The following RELN variants were observed in gnomAD, a reference collection of about 807,000 sequenced individuals.
RELN encodes the protein reelin.
RELN carries 108 observed loss-of-function variants against 427.6 expected under a neutral mutation model. That is an observed-to-expected ratio of 0.25 (90% CI 0.22 to 0.30). The LOEUF (loss-of-function observed/expected upper bound fraction) is 0.30. Ranked by LOEUF, RELN falls within the 10% of genes least tolerant of loss-of-function variation. The pLI is 1.00. For synonymous variants in RELN, 1,524 were observed against 1,513.4 expected (o/e 1.01, Z -0.16); for missense variants, 3,715 against 4,302.8 (o/e 0.86, Z 3.82).
rs766722778 is a variant in RELN, at chr7:103,483,701, T to C, written c.10133A>G (p.Gln3378Arg). The C allele has an allele frequency of 3.1e-6, 5 of 1,614,080 alleles. No individual in the cohort carries two copies. The Admixed American group carries it at 5.0e-5, about 16-fold the overall frequency. ...GITWHVIAQH[Q>R]PKDFTQAQRV... The stretch of plus-strand genomic sequence containing the variant: ...CTGAGCTTGTGTGAAGTCCTTTGGC[T>C]GGTGCTGGGCGATGACATGCCAGGT... Residue 3378 changes from glutamine to arginine, a missense_variant, in exon 62 of 65, where the codon CAG becomes CGG. Physicochemically the swap from Gln to Arg is conservative, Grantham distance 43. This residue lies in a region of RELN where 195 missense variants were observed against 281.3 expected (regional missense o/e 0.69). Transcript: ENST00000428762.
At chr7:103,686,651 T>G (rs1019646091) in intron 10 of RELN, among the ~76,000 whole-genome samples, 2 of 152,136 alleles carry the variant, frequency 1.3e-5, no homozygotes, top group East Asian at 3.8e-4. Flanking sequence ...TGTATTAAAG[T>G]GAGATGTGTG....
At chr7:103,670,329 A>G (rs1247181879) in intron 11 of RELN, among the ~76,000 whole-genome samples, 1 of 152,132 alleles carries the variant, frequency 6.6e-6, no homozygotes, top group Non-Finnish European at 1.5e-5. Context: ...CCTTTTAGGA[A>G]CTTACCTTTC....
rs762827673 is a variant in RELN, at chr7:103,954,495, T to C, written c.226+34636A>G. On this transcript the variant is annotated intron_variant, in intron 1 of 64. Coordinates refer to ENST00000428762, the MANE Select transcript of RELN (RefSeq NM_005045.4). ...ATAAGTTATTTACTCCCATTTTCCT[T>C]TATTGGGAAAAAGACTTCAATTCAT... 1.0e-3 allele frequency among the ~76,000 whole-genome samples: 155 copies of C among 152,264 alleles called. 2 individuals carry two copies. Among genetic ancestry groups the C allele is most frequent in the Non-Finnish European group, 7.2e-4 (49 of 68,018 alleles).
intron 6 of RELN, among the ~76,000 whole-genome samples, chr7:103,747,301 A>G (rs542766903): frequency 1.6e-4 from 25 of 152,190 alleles, no homozygotes; most frequent in Admixed American, 2.6e-4. Context: ...ATTAGGAGAT[A>G]TATCTAATGC....
chr7:103,706,833 T>G (rs1032803699), intron 8 of RELN, among the ~76,000 whole-genome samples: 2 of 152,130 alleles, frequency 1.3e-5, no homozygotes, highest in African/African-American at 4.8e-5. Flanking sequence ...CTCTCAGGTT[T>G]TACTATGGGA....
At chr7:103,497,337 GT>G (rs1828871764) in intron 55 of RELN, among the ~76,000 whole-genome samples, 2 of 152,108 alleles carry the variant, frequency 1.3e-5, no homozygotes, top group South Asian at 4.1e-4. Context: ...TACTGGTCTG[GT>G]TTTAGCTACT....
At chr7:103,835,965 T>C (rs2116416091) in intron 2 of RELN, among the ~76,000 whole-genome samples, 1 of 151,858 alleles carries the variant, frequency 6.6e-6, no homozygotes, top group African/African-American at 2.4e-5. Context: ...TTTTTTTTTT[T>C]TTTTTTTATA....
At chr7:103,935,925 C>G (rs1795971728) in intron 1 of RELN, among the ~76,000 whole-genome samples, 1 of 152,120 alleles carries the variant, frequency 6.6e-6, no homozygotes, top group African/African-American at 2.4e-5. Context: ...AGTGCAAAAC[C>G]CAAGGACTGT....
chr7:103,562,322 G>A (rs1368588081), intron 34 of RELN, among the ~76,000 whole-genome samples: 1 of 152,164 alleles, frequency 6.6e-6, no homozygotes, highest in Non-Finnish European at 1.5e-5. Context: ...GGGAGGGATT[G>A]AAGGTGATAA....
At chr7:103,737,541 T>C (rs955713320) in intron 6 of RELN, among the ~76,000 whole-genome samples, 11 of 152,248 alleles carry the variant, frequency 7.2e-5, no homozygotes, top group African/African-American at 2.4e-4. Flanking sequence ...TTTTCGTTTG[T>C]GGGCTAAGCT....
intron 51 of RELN, chr7:103,504,403 G>A (rs966710729): frequency 6.6e-6 from 1 of 152,174 alleles, no homozygotes; most frequent in Non-Finnish European, 1.5e-5. Flanking sequence ...TTATCTATCA[G>A]TATTTCATCC....
chr7:103,652,784 C>T (rs1562941115), intron 13 of RELN, 25 bp from the exon 14 acceptor site: 1 of 1,603,202 alleles, frequency 6.2e-7, no homozygotes, highest in Non-Finnish European at 8.5e-7. Flanking sequence ...AGACCAGAAT[C>T]ACTCAAAATC....
In RELN at chr7:103,988,604, C is replaced by T. The variant is rs1797150619; in HGVS notation, c.226+527G>A. ...GGCTGTATGACACTGAATGAAATGC[C>T]AGGGACTCCTGGCTGGTGAGCAGCG... On this transcript the variant is annotated intron_variant, in intron 1 of 64. Transcript: ENST00000428762. The surrounding 1 kb of genome is among the most constrained non-coding windows in gnomAD (Gnocchi z 4.9). Among the ~76,000 whole-genome samples, 1 of 152,158 alleles carries T rather than the reference C, an allele frequency of 6.6e-6. No individual in the cohort carries two copies. The highest frequency in any genetic ancestry group is 2.1e-4 in the South Asian group (1 of 4,834).
rs114079971 is a variant in RELN at position 103,921,642 on chromosome 7, A to G, written c.227-4457T>C. On this transcript the variant is annotated intron_variant, in intron 1 of 64. Transcript: ENST00000428762. ...ATCACATAATTCCCTTGTTCAATCAACATCTCTAGCTTCCTAATGTCCATA... is the reference window on the plus strand; with the variant it reads ...ATCACATAATTCCCTTGTTCAATCAGCATCTCTAGCTTCCTAATGTCCATA... 6.3e-3 allele frequency among the ~76,000 whole-genome samples: 959 copies of G among 152,278 alleles called. 11 individuals carry two copies. The highest frequency in any genetic ancestry group is 0.022 in the African/African-American group (909 of 41,568).
chr7:103,931,587 G>T (rs1256948551), intron 1 of RELN, among the ~76,000 whole-genome samples: 2 of 152,186 alleles, frequency 1.3e-5, no homozygotes, highest in African/African-American at 4.8e-5. Flanking sequence ...GATATGCCCT[G>T]CTATTAGAAT....
chr7:103,561,966 A>G lies in RELN; in HGVS notation c.5211-13T>C. On this transcript the variant is annotated splice_polypyrimidine_tract_variant and intron_variant, in intron 34 of 64. Transcript: ENST00000428762. Reference sequence around the variant, plus strand: ...GGTCCTGGGAGAACTAACCAAAAAAAAAAAAAAAAAAACACACCACTGGTT... The same window carrying G: ...GGTCCTGGGAGAACTAACCAAAAAAGAAAAAAAAAAAACACACCACTGGTT... 1 of 1,601,310 alleles carries G rather than the reference A, an allele frequency of 6.2e-7. No individual in the cohort carries two copies.
chr7:103,495,335 A>AT (rs1225935399), intron 57 of RELN, among the ~76,000 whole-genome samples: 4 of 151,512 alleles, frequency 2.6e-5, no homozygotes, highest in East Asian at 1.9e-4. Flanking sequence ...TATTTTATTT[A>AT]TTTTTTTATA....
intron 28 of RELN, among the ~76,000 whole-genome samples, chr7:103,586,945 T>C (rs886664864): frequency 6.6e-6 from 1 of 152,128 alleles, no homozygotes; most frequent in Non-Finnish European, 1.5e-5. Flanking sequence ...ATTGTTAAAA[T>C]TACCACAATG....
intron 3 of RELN, among the ~76,000 whole-genome samples, chr7:103,816,586 G>C (rs1479842114): frequency 7.6e-6 from 1 of 131,806 alleles, no homozygotes; most frequent in Non-Finnish European, 1.7e-5. Flanking sequence ...CTTCCTTCAG[G>C]ATTGATAAAA....
Sources: gnomAD v4.1 joint callset for allele counts (sites outside exome capture counted in the v4.1 genomes callset) on GRCh38, gnomAD v4.1.1 for gene constraint, gnomAD v4.1.1 regional missense constraint, Gnocchi (gnomAD v3.1) non-coding constraint, MANE v1.5 for transcripts, NCBI Gene and HGNC (gene_info 2026-07-23, HGNC 2026-07-21) for gene names.